CST4: variants seen among roughly 807,000 people sequenced by gnomAD.
CST4 encodes the protein cystatin S, also known as cystatin-S.
CST4 carries 17 observed loss-of-function variants against 11.2 expected under a neutral mutation model. That is an observed-to-expected ratio of 1.52 (90% CI 1.04 to 2.27). The LOEUF is 2.27. CST4 is among the 30% of genes most tolerant of loss of function. The probability of loss-of-function intolerance (pLI) is 0.00; values close to 1 mark genes in which losing one functional copy is unlikely to be tolerated. For synonymous variants in CST4, 93 were observed against 70.1 expected (o/e 1.33, Z -1.63); for missense variants, 251 against 180.2 (o/e 1.39, Z -2.25).
At chr20:23,688,407 C>T (rs79995691) in intron 1 of CST4, among the ~76,000 whole-genome samples, 44 of 152,300 alleles carry the variant, frequency 2.9e-4, no homozygotes, top group African/African-American at 9.4e-4. Flanking sequence ...TGAGCCTCAC[C>T]GCCTGGATCT....
chr20:23,685,846 G>A lies in CST4; in HGVS notation c.*48C>T, dbSNP rs773655011. The A allele has an allele frequency of 3.1e-6, 5 of 1,594,814 alleles. No individual in the cohort carries two copies. Among genetic ancestry groups the A allele is most frequent in the Admixed American group, 1.7e-5 (1 of 59,868 alleles). ...CCAGTCCAGGGGTGGGAGCACTACA[G>A]TGGGTGGGAGTGGGTGGTGGTCGGT... On this transcript the variant is annotated 3_prime_UTR_variant, in exon 3 of 3. Coordinates refer to ENST00000217423, the MANE Select transcript of CST4 (RefSeq NM_001899.3).
At chr20:23,687,524 T>C (rs1279305102) in intron 1 of CST4, among the ~76,000 whole-genome samples, 1 of 152,220 alleles carries the variant, frequency 6.6e-6, no homozygotes, top group Non-Finnish European at 1.5e-5. Flanking sequence ...GAAAATCTTA[T>C]TCCCTCCATT....
In CST4 at chr20:23,688,830, G is replaced by T. The variant is rs1192032312; in HGVS notation, c.140C>A (p.Ala47Asp). Residue 47 changes from alanine (A) to aspartate (D), a missense_variant, in exon 1 of 3, where the codon GCC becomes GAC. By Grantham distance (126) the Ala-to-Asp change is moderately radical. Coordinates refer to ENST00000217423, the MANE Select transcript of CST4 (RefSeq NM_001899.3). Reference protein sequence around the residue: ...ADLNDEWVQRALHFAISEYNK... With the variant: ...ADLNDEWVQRDLHFAISEYNK... ...GTACTCGCTGATGGCGAAGTGAAGGGCACGCTGTACCCACTCATCATTGAG... is the reference window on the plus strand; with the variant it reads ...GTACTCGCTGATGGCGAAGTGAAGGTCACGCTGTACCCACTCATCATTGAG... 1 of 1,614,148 alleles carries T rather than the reference G, an allele frequency of 6.2e-7. No homozygotes were observed. Among genetic ancestry groups the T allele is most frequent in the Admixed American group, 1.7e-5 (1 of 60,028 alleles).
rs765970718 is a variant in CST4 at position 23,688,827 on chromosome 20, A to G, written c.143T>C (p.Leu48Pro). 1.2e-6 allele frequency: 2 copies of G among 1,614,122 alleles called. No homozygotes were observed. Among genetic ancestry groups the G allele is most frequent in the East Asian group, 2.2e-5 (1 of 44,846 alleles). The change falls in exon 1 of 3, where the codon CTT becomes CCT. Residue 48 changes from leucine (L) to proline (P), a missense_variant. Physicochemically the swap from Leu to Pro is moderately conservative, Grantham distance 98. Transcript: ENST00000217423. ...GTTGTACTCGCTGATGGCGAAGTGAAGGGCACGCTGTACCCACTCATCATT... is the reference window on the plus strand; with the variant it reads ...GTTGTACTCGCTGATGGCGAAGTGAGGGGCACGCTGTACCCACTCATCATT... ...DLNDEWVQRA[L>P]HFAISEYNKA...
chr20:23,688,381 G>A (rs902229538), intron 1 of CST4, among the ~76,000 whole-genome samples: 18 of 152,296 alleles, frequency 1.2e-4, no homozygotes, highest in Admixed American at 6.5e-5. Flanking sequence ...CTGAGGAGAG[G>A]ACTCAGGGAG....
chr20:23,686,971 G>T, intron 2 of CST4, 117 bp downstream of exon 2: 2 of 1,140,178 alleles, frequency 1.8e-6, no homozygotes, highest in Non-Finnish European at 2.6e-6. Context: ...TGCATACACG[G>T]CTCCCCACAT....
At chr20:23,686,353 A>G (rs938645911) in intron 2 of CST4, among the ~76,000 whole-genome samples, 2 of 152,052 alleles carry the variant, frequency 1.3e-5, no homozygotes, top group African/African-American at 4.8e-5. Flanking sequence ...GCCAGAGGGA[A>G]GAACCCAGGG....
chr20:23,686,151 A>G (rs2405666), intron 2 of CST4, among the ~76,000 whole-genome samples, 174 bp from the exon 3 acceptor site: 6 of 151,910 alleles, frequency 3.9e-5, no homozygotes, highest in South Asian at 4.1e-4. Context: ...CTGTACCATT[A>G]CCCCTCCCAA....
At position 23,685,881 on chromosome 20, in the gene CST4, C is replaced by T; in HGVS notation, c.*13G>A. The T allele has an allele frequency of 6.2e-7, 1 of 1,613,692 alleles. No homozygotes were observed. Among genetic ancestry groups the T allele is most frequent in the Non-Finnish European group, 8.5e-7 (1 of 1,179,618 alleles). ...GTGGGTGGTGGTCGGTGTGACTGGC[C>T]TGGCACAGACCCCTAGGCTTCTTGA... On this transcript the variant is annotated 3_prime_UTR_variant, in exon 3 of 3. Transcript: ENST00000217423.
chr20:23,687,843 C>T (rs1198298766), intron 1 of CST4, among the ~76,000 whole-genome samples: 6 of 152,214 alleles, frequency 3.9e-5, no homozygotes, highest in Non-Finnish European at 7.3e-5. Context: ...AAATAGGCTT[C>T]CAGGTCTGAT....
In CST4 at chr20:23,685,857, T is replaced by C. The variant is rs762776531; in HGVS notation, c.*37A>G. On this transcript the variant is annotated 3_prime_UTR_variant, in exon 3 of 3. Transcript: ENST00000217423. ...GTGGGAGCACTACAGTGGGTGGGAGTGGGTGGTGGTCGGTGTGACTGGCCT... is the reference window on the plus strand; with the variant it reads ...GTGGGAGCACTACAGTGGGTGGGAGCGGGTGGTGGTCGGTGTGACTGGCCT... 15 of 1,605,012 alleles carry C rather than the reference T, an allele frequency of 9.3e-6. No homozygotes were observed. The highest frequency in any genetic ancestry group is 1.1e-5 in the Non-Finnish European group (13 of 1,172,344).
In CST4 at chr20:23,685,763, T is replaced by A. The variant is rs932430795; in HGVS notation, c.*131A>T. ...TGAGCAACAAAGGACTCCTGCAGCC[T>A]TCTCTGTCTGTCTCTTGGCACAGGC... is the stretch of plus-strand genomic sequence containing the variant. On this transcript the variant is annotated 3_prime_UTR_variant, in exon 3 of 3. Coordinates refer to ENST00000217423, the MANE Select transcript of CST4 (RefSeq NM_001899.3). 4 of 888,682 alleles carry A rather than the reference T, an allele frequency of 4.5e-6. No homozygotes were observed. In the African/African-American group the frequency reaches 6.8e-5, roughly 15 times the overall value. The allele number at this position is 888,682 out of a possible 1,614,324, so 55.0% of individuals were successfully genotyped here.
At position 23,689,016 on chromosome 20, in the gene CST4, G is replaced by C. The variant is rs758672814; in HGVS notation, c.-47C>G. 11 of 1,582,874 alleles carry C rather than the reference G, an allele frequency of 6.9e-6. 1 individual carries two copies. The Middle Eastern group carries it at 5.3e-4, about 77-fold the overall frequency. On this transcript the variant is annotated 5_prime_UTR_variant, in exon 1 of 3. Transcript: ENST00000217423. ...CAAAGCTGGAGCTGCAGGAGAGGAG[G>C]GTGAGAGCCCGAGGCAGGGAGCCCA...
chr20:23,686,588 T>G (rs2405678), intron 2 of CST4, among the ~76,000 whole-genome samples: 7 of 151,716 alleles, frequency 4.6e-5, no homozygotes, highest in African/African-American at 1.7e-4. Context: ...ATTAGACAGA[T>G]CCCCTTCTCC....
At position 23,687,199 on chromosome 20, in the gene CST4, G is replaced by A; in HGVS notation, c.231C>T (p.Thr77=). The change falls in exon 2 of 3, where the codon ACC becomes ACT. Residue 77 remains threonine, a splice_region_variant and synonymous_variant. Transcript: ENST00000217423. ...CGAAGAAGTAATTCACCCCCCCAAAGGTCTGCACACAGGAGAAAACAGGAA... is the reference window on the plus strand; with the variant it reads ...CGAAGAAGTAATTCACCCCCCCAAAAGTCTGCACACAGGAGAAAACAGGAA... ...PLQVLRAREQ[T]FGGVNYFFDV... 5 of 1,613,834 alleles carry A rather than the reference G, an allele frequency of 3.1e-6. No homozygotes were observed. Among genetic ancestry groups the A allele is most frequent in the Non-Finnish European group, 4.2e-6 (5 of 1,180,010 alleles).
In CST4 at chr20:23,688,378, G is replaced by A. The variant is rs146462863; in HGVS notation, c.228+364C>T. The stretch of plus-strand genomic sequence containing the variant: ...CAGGTTCCCATGTGGCCCCTGAGGA[G>A]AGGACTCAGGGAGGAGAATGAGCCT... On this transcript the variant is annotated intron_variant, in intron 1 of 2. Transcript: ENST00000217423. Among the ~76,000 whole-genome samples the A allele has an allele frequency of 6.1e-3, 927 of 152,306 alleles. 27 individuals carry two copies. Among genetic ancestry groups the A allele is most frequent in the Admixed American group, 0.052 (791 of 15,306 alleles).
chr20:23,688,648 A>G, intron 1 of CST4, 94 bp downstream of exon 1: 1 of 1,144,554 alleles, frequency 8.7e-7, no homozygotes. Context: ...TTAGATCATG[A>G]ATGTGTCAGT....
intron 2 of CST4, 120 bp from the exon 3 acceptor site, chr20:23,686,097 C>T: frequency 2.0e-6 from 2 of 1,023,998 alleles, no homozygotes; most frequent in Non-Finnish European, 3.0e-6. Flanking sequence ...CACCCTCACC[C>T]ACCCCTGCTG....
chr20:23,687,342 C>T, intron 1 of CST4, 141 bp from the exon 2 acceptor site: 1 of 806,696 alleles, frequency 1.2e-6, no homozygotes, highest in Non-Finnish European at 2.1e-6. Flanking sequence ...CACACAAGCC[C>T]CCTCTTCCTG....
Sources: allele counts gnomAD v4.1 joint callset (sites outside exome capture counted in the v4.1 genomes callset), GRCh38; gene constraint gnomAD v4.1.1; transcripts MANE v1.5; gene names NCBI Gene and HGNC (gene_info 2026-07-23, HGNC 2026-07-21).